Variants in NKAIN3 observed in about 807,000 individuals in gnomAD.
NKAIN3 encodes the protein sodium/potassium transporting ATPase interacting 3.
NKAIN3 carries 25 observed loss-of-function variants against 30.2 expected under a neutral mutation model. The observed-to-expected ratio is 0.83, with a 90% CI of 0.60 to 1.16. The LOEUF (loss-of-function observed/expected upper bound fraction) is 1.16, where lower values mean the gene tolerates loss of function less well. Ranked by LOEUF, NKAIN3 falls within the 50% of genes most tolerant of loss-of-function variation. The probability of loss-of-function intolerance (pLI) is 0.00; values close to 1 mark genes in which losing one functional copy is unlikely to be tolerated. For missense variants in NKAIN3, 225 were observed against 254.1 expected (o/e 0.89, Z 0.78); for synonymous variants, 91 against 89.6 (o/e 1.02, Z -0.09).
intron 1 of NKAIN3, among the ~76,000 whole-genome samples, chr8:62,343,365 T>C (rs1205663373): frequency 1.3e-5 from 2 of 152,114 alleles, no homozygotes; most frequent in African/African-American, 4.8e-5. Context: ...TTGTCATTAT[T>C]ATTTTTACAA....
chr8:62,410,530 C>T (rs11990668), intron 1 of NKAIN3, among the ~76,000 whole-genome samples: 16,582 of 151,486 alleles, frequency 0.11, 1,331 homozygotes, highest in African/African-American at 0.22. Context: ...GAAATTGAGA[C>T]GTAAGAATTG....
intron 5 of NKAIN3, among the ~76,000 whole-genome samples, chr8:62,949,484 T>A (rs1244080392): frequency 6.6e-6 from 1 of 152,188 alleles, no homozygotes; most frequent in Admixed American, 6.5e-5. Flanking sequence ...CTAGAGCGAG[T>A]AACCACAAAG....
intron 4 of NKAIN3, among the ~76,000 whole-genome samples, chr8:62,803,141 T>A (rs192358933): frequency 8.8e-4 from 134 of 152,234 alleles, no homozygotes; most frequent in Non-Finnish European, 1.5e-3. Context: ...ACAAAGAGAC[T>A]TAGACTCCCA....
intron 3 of NKAIN3, among the ~76,000 whole-genome samples, chr8:62,720,816 A>C (rs1348487219): frequency 6.6e-6 from 1 of 152,322 alleles, no homozygotes; most frequent in East Asian, 1.9e-4. Context: ...ATTGTTCTTC[A>C]AGTTAACTTG....
chr8:62,689,945 A>AAAATAAAT lies in NKAIN3; in HGVS notation c.274-56947_274-56940dup, dbSNP rs77511780. ...ATTGGGCTCCTTGGCCACCGCACTG[A>AAAATAAAT]AAATAAATAAATAAATAAATAAATA... On this transcript the variant is annotated intron_variant, in intron 3 of 6. Coordinates refer to ENST00000623646, the MANE Select transcript of NKAIN3 (RefSeq NM_001304533.3). 6.0e-3 allele frequency among the ~76,000 whole-genome samples: 875 copies of AAAATAAAT among 145,532 alleles called. 3 individuals carry two copies. The highest frequency in any genetic ancestry group is 9.4e-3 in the East Asian group (46 of 4,898).
chr8:62,667,520 A>T (rs1813163326), intron 3 of NKAIN3, among the ~76,000 whole-genome samples: 1 of 151,478 alleles, frequency 6.6e-6, no homozygotes, highest in Non-Finnish European at 1.5e-5. Context: ...TTATCTTCAC[A>T]TCCTATGCCC....
intron 3 of NKAIN3, among the ~76,000 whole-genome samples, chr8:62,695,088 T>G (rs1814109023): frequency 6.6e-6 from 1 of 152,214 alleles, no homozygotes; most frequent in Admixed American, 6.5e-5. Flanking sequence ...AAGACTTTTC[T>G]AATCCTCTCA....
intron 5 of NKAIN3, among the ~76,000 whole-genome samples, chr8:62,941,675 C>T (rs1249446259): frequency 3.3e-5 from 5 of 152,086 alleles, no homozygotes; most frequent in South Asian, 2.1e-4. Flanking sequence ...ATGATCGTAT[C>T]GACAGATGCA....
At chr8:62,350,568 G>A (rs1030499497) in intron 1 of NKAIN3, among the ~76,000 whole-genome samples, 3 of 152,082 alleles carry the variant, frequency 2.0e-5, no homozygotes, top group African/African-American at 4.8e-5. Context: ...CAATGTGAAT[G>A]TACTTAATGG....
Position 62,881,425 on chromosome 8 carries a change from C to T in NKAIN3, c.472-37028C>T, listed in dbSNP as rs376042993. On this transcript the variant is annotated intron_variant, in intron 4 of 6. Transcript: ENST00000623646. ...AGCTCCTTTCACTTAGTAATGTGCACTTAAGTTTCCTCCATGTCTTTTTAC... is the reference window on the plus strand; with the variant it reads ...AGCTCCTTTCACTTAGTAATGTGCATTTAAGTTTCCTCCATGTCTTTTTAC... Among the ~76,000 whole-genome samples, 18 of 152,230 alleles carry T rather than the reference C, an allele frequency of 1.2e-4. No individual in the cohort carries two copies. In the South Asian group the frequency reaches 2.3e-3, roughly 19 times the overall value.
intron 4 of NKAIN3, chr8:62,863,040 T>C (rs1820302084): frequency 5.3e-6 from 4 of 759,768 alleles, no homozygotes; most frequent in African/African-American, 1.8e-5. Context: ...GATGTGACTA[T>C]GGAGACTCTA....
chr8:62,540,656 A>G (rs534867387), intron 1 of NKAIN3, among the ~76,000 whole-genome samples: 51 of 152,206 alleles, frequency 3.4e-4, no homozygotes, highest in Middle Eastern at 3.4e-3. Context: ...GCCTCTCTAG[A>G]CCTATTCTTC....
At chr8:62,839,602 T>C (rs558611924) in intron 4 of NKAIN3, among the ~76,000 whole-genome samples, 10 of 152,186 alleles carry the variant, frequency 6.6e-5, no homozygotes, top group African/African-American at 2.4e-4. Context: ...TGTTTATTTT[T>C]AGAAATGGTC....
At chr8:62,454,301 C>CAGAAAAAAAAAAAAAAAAAAA (rs1805742335) in intron 1 of NKAIN3, among the ~76,000 whole-genome samples, 1 of 56,152 alleles carries the variant, frequency 1.8e-5, no homozygotes. Context: ...AGCTGATGTG[C>CAGAAAAAAAAAAAAAAAAAAA]AAAAAAAAAA....
chr8:62,374,379 T>C (rs1240755780), intron 1 of NKAIN3, among the ~76,000 whole-genome samples: 2 of 152,200 alleles, frequency 1.3e-5, no homozygotes, highest in Non-Finnish European at 2.9e-5. Flanking sequence ...AGCCTAACTC[T>C]AGTTAGCATA....
chr8:62,407,458 C>T (rs144961481), intron 1 of NKAIN3, among the ~76,000 whole-genome samples: 74 of 129,582 alleles, frequency 5.7e-4, no homozygotes, highest in African/African-American at 2.0e-3. Context: ...AGTGCAGTGG[C>T]ATGATGTCCG....
At chr8:62,413,953 C>T (rs1400866551) in intron 1 of NKAIN3, among the ~76,000 whole-genome samples, 1 of 151,920 alleles carries the variant, frequency 6.6e-6, no homozygotes, top group Non-Finnish European at 1.5e-5. Flanking sequence ...ATAATAGGAA[C>T]TTATTTATAC....
chr8:62,466,220 A>G (rs187870362), intron 1 of NKAIN3, among the ~76,000 whole-genome samples: 31 of 152,276 alleles, frequency 2.0e-4, no homozygotes, highest in Non-Finnish European at 3.7e-4. Context: ...GAAATTTGAA[A>G]AAGCAAGTCA....
intron 1 of NKAIN3, among the ~76,000 whole-genome samples, chr8:62,546,172 T>G (rs924602649): frequency 3.3e-5 from 5 of 152,196 alleles, no homozygotes; most frequent in Non-Finnish European, 7.3e-5. Context: ...TTCTTACCTT[T>G]GTCTACAATA....
Sources: allele counts gnomAD v4.1 joint callset (sites outside exome capture counted in the v4.1 genomes callset), GRCh38; gene constraint gnomAD v4.1.1; transcripts MANE v1.5; gene names NCBI Gene and HGNC (gene_info 2026-07-23, HGNC 2026-07-21).